Variants in ABLIM2 observed in about 807,000 individuals in gnomAD.
The protein encoded by ABLIM2 is actin binding LIM protein family member 2.
Under a neutral mutation model 97.7 loss-of-function variants are expected in ABLIM2, and 53 were observed. That is an observed-to-expected ratio of 0.54 (90% CI 0.44 to 0.68). The LOEUF (loss-of-function observed/expected upper bound fraction) is 0.68, where lower values mean the gene tolerates loss of function less well. Among genes scored for constraint, ABLIM2 ranks in the 30% least tolerant of loss-of-function variants. The probability of loss-of-function intolerance (pLI) is 0.00; values close to 1 mark genes in which losing one functional copy is unlikely to be tolerated. For missense variants in ABLIM2, 835 were observed against 867.2 expected (o/e 0.96, Z 0.47); for synonymous variants, 361 against 345.8 (o/e 1.04, Z -0.49).
intron 4 of ABLIM2, among the ~76,000 whole-genome samples, chr4:8,081,099 T>C (rs1353153192): frequency 1.3e-5 from 2 of 149,360 alleles, no homozygotes; most frequent in Non-Finnish European, 3.0e-5. Context: ...GAGAGCGGAG[T>C]TGGCTCCTGG....
chr4:8,034,634 G>GA (rs1783166031), intron 10 of ABLIM2, among the ~76,000 whole-genome samples: 1 of 75,226 alleles, frequency 1.3e-5, no homozygotes, highest in Non-Finnish European at 2.7e-5. Flanking sequence ...GTGGGTGCAG[G>GA]TGGGTGGTGG....
At chr4:7,988,662 T>C (rs547055395) in intron 17 of ABLIM2, among the ~76,000 whole-genome samples, 7 of 152,318 alleles carry the variant, frequency 4.6e-5, no homozygotes, top group Admixed American at 1.3e-4. Context: ...TTTTAAATAA[T>C]TACTCATGTG....
chr4:8,136,532 G>A (rs192221138), intron 1 of ABLIM2, among the ~76,000 whole-genome samples: 73 of 152,328 alleles, frequency 4.8e-4, no homozygotes, highest in African/African-American at 1.6e-3. Context: ...TGGGGGAAGG[G>A]CTCTGCAGTA....
intron 14 of ABLIM2, among the ~76,000 whole-genome samples, chr4:8,018,966 C>T (rs1213389451): frequency 5.9e-5 from 9 of 152,266 alleles, no homozygotes; most frequent in Non-Finnish European, 4.4e-5. Flanking sequence ...AAGCAACCTG[C>T]TGTCAATCAC....
intron 20 of ABLIM2, among the ~76,000 whole-genome samples, chr4:7,976,120 T>C (rs186807020): frequency 6.6e-6 from 1 of 152,280 alleles, no homozygotes; most frequent in Admixed American, 6.5e-5. Flanking sequence ...CTCAGCAGTC[T>C]TGTGAATAAA....
chr4:7,973,055 G>A (rs541588838), intron 20 of ABLIM2, among the ~76,000 whole-genome samples: 1 of 149,400 alleles, frequency 6.7e-6, no homozygotes, highest in Non-Finnish European at 1.5e-5. Context: ...CAGGACTCCA[G>A]CAATGAGCTG....
At chr4:8,041,746 C>CA (rs967212405) in intron 9 of ABLIM2, among the ~76,000 whole-genome samples, 6 of 151,760 alleles carry the variant, frequency 4.0e-5, no homozygotes, top group African/African-American at 1.2e-4. Context: ...ATTAAAAATA[C>CA]AAAAAAAATT....
intron 1 of ABLIM2, among the ~76,000 whole-genome samples, chr4:8,158,320 G>C (rs1046425734): frequency 1.3e-5 from 2 of 152,194 alleles, no homozygotes; most frequent in Non-Finnish European, 2.9e-5. Context: ...CTGGGGCCCC[G>C]GCCCTTCGCC....
intron 17 of ABLIM2, among the ~76,000 whole-genome samples, chr4:7,987,366 TCTCAC>T (rs1351454576): frequency 1.3e-5 from 2 of 151,598 alleles, no homozygotes; most frequent in African/African-American, 4.9e-5. Flanking sequence ...CAAGCAATCC[TCTCAC>T]CTCAGCCTCC....
intron 16 of ABLIM2, among the ~76,000 whole-genome samples, chr4:7,995,337 C>T (rs922876679): frequency 4.6e-5 from 7 of 152,210 alleles, no homozygotes; most frequent in Non-Finnish European, 8.8e-5. Flanking sequence ...TGCCCACATT[C>T]ACTCATGGGA....
In ABLIM2 at chr4:8,123,832, C is replaced by A. The variant is rs188697290; in HGVS notation, c.11-17195G>T. Among the ~76,000 whole-genome samples, 279 of 152,220 alleles carry A rather than the reference C, an allele frequency of 1.8e-3. 2 individuals carry two copies. Among genetic ancestry groups the A allele is most frequent in the Middle Eastern group, 0.017 (5 of 294 alleles). ...CACCCGGACAGGCCAAGAGGAGGGG[C>A]AGGAGGTGGCACGGGGTGGGAGCCC... On this transcript the variant is annotated intron_variant, in intron 1 of 20. Transcript: ENST00000447017. This position sits in a 1 kb window ranked among gnomAD's most constrained non-coding sequence, Gnocchi z 6.2.
Position 8,155,596 on chromosome 4 carries a change from T to C in ABLIM2, c.10+3084A>G, listed in dbSNP as rs1344279018. ...TTATGGACTGAATTGTCTAAATTCA[T>C]ATGCTGAAGTCCTAACCCCCAGTAC... is the stretch of plus-strand genomic sequence containing the variant. On this transcript the variant is annotated intron_variant, in intron 1 of 20. Transcript: ENST00000447017. The surrounding 1 kb of genome is among the most constrained non-coding windows in gnomAD (Gnocchi z 4.2). Among the ~76,000 whole-genome samples the C allele has an allele frequency of 6.6e-6, 1 of 152,182 alleles. No individual in the cohort carries two copies.
chr4:7,993,539 T>C (rs1750657610), intron 16 of ABLIM2, among the ~76,000 whole-genome samples: 1 of 152,020 alleles, frequency 6.6e-6, no homozygotes, highest in African/African-American at 2.4e-5. Flanking sequence ...TAGCCAGCTG[T>C]GGTGGTGCAC....
intron 3 of ABLIM2, among the ~76,000 whole-genome samples, chr4:8,090,461 T>G (rs1469371563): frequency 6.6e-6 from 1 of 152,224 alleles, no homozygotes; most frequent in Non-Finnish European, 1.5e-5. Context: ...TGGGAGGGGC[T>G]GACTCAATGG....
chr4:8,027,865 G>A lies in ABLIM2; in HGVS notation c.1169-8C>T. 1 of 1,570,586 alleles carries A rather than the reference G, an allele frequency of 6.4e-7. No homozygotes were observed. Among genetic ancestry groups the A allele is most frequent in the Non-Finnish European group, 8.6e-7 (1 of 1,160,220 alleles). Reference sequence around the variant, plus strand: ...CCACACTCACAGTACCAGCTACGGGGTAACAGAGAGCAAGTCAGAGTCAAC... The same window carrying A: ...CCACACTCACAGTACCAGCTACGGGATAACAGAGAGCAAGTCAGAGTCAAC... On this transcript the variant is annotated splice_region_variant and splice_polypyrimidine_tract_variant and intron_variant, in intron 11 of 20. Transcript: ENST00000447017.
intron 11 of ABLIM2, among the ~76,000 whole-genome samples, chr4:8,028,225 C>T (rs1367150501): frequency 6.6e-6 from 1 of 152,184 alleles, no homozygotes; most frequent in Non-Finnish European, 1.5e-5. Context: ...TCACCGGACT[C>T]GTCCGGCGAG....
rs1055011494 is a variant in ABLIM2, at chr4:8,085,413, T to C, written c.454+2756A>G. Among the ~76,000 whole-genome samples the C allele has an allele frequency of 1.3e-5, 2 of 152,014 alleles. No homozygotes were observed. The highest frequency in any genetic ancestry group is 4.8e-5 in the African/African-American group (2 of 41,396). On this transcript the variant is annotated intron_variant, in intron 4 of 20. Coordinates refer to ENST00000447017, the MANE Select transcript of ABLIM2 (RefSeq NM_001130083.2). The surrounding 1 kb of genome is among the most constrained non-coding windows in gnomAD (Gnocchi z 6.1). ...GGCTTTGGAGGAAGCTGCCATCTGGTGTTGGTGTCTCAGTGCCATTCCCAT... is the reference window on the plus strand; with the variant it reads ...GGCTTTGGAGGAAGCTGCCATCTGGCGTTGGTGTCTCAGTGCCATTCCCAT...
chr4:8,029,574 G>T, intron 11 of ABLIM2, 82 bp downstream of exon 11: 1 of 895,460 alleles, frequency 1.1e-6, no homozygotes, highest in South Asian at 2.9e-5. Flanking sequence ...ACTTATAACC[G>T]AAAAAAAAAA....
chr4:8,012,504 A>C (rs1268827917), intron 14 of ABLIM2, among the ~76,000 whole-genome samples: 1 of 132,202 alleles, frequency 7.6e-6, no homozygotes, highest in African/African-American at 2.9e-5. Context: ...CCATCCATCC[A>C]TCTACCCACC....
Sources: allele counts gnomAD v4.1 joint callset (sites outside exome capture counted in the v4.1 genomes callset), GRCh38; gene constraint gnomAD v4.1.1; non-coding constraint Gnocchi (gnomAD v3.1); transcripts MANE v1.5; gene names NCBI Gene and HGNC (gene_info 2026-07-23, HGNC 2026-07-21).